TRIM71: variants seen among roughly 807,000 people sequenced by gnomAD.
TRIM71 encodes the protein tripartite motif containing 71.
A neutral mutation model predicts 61.2 loss-of-function variants in TRIM71; 9 were observed. The observed-to-expected ratio is 0.15, with a 90% confidence interval of 0.09 to 0.26. The LOEUF is 0.26. Among genes scored for constraint, TRIM71 ranks in the 10% least tolerant of loss-of-function variants. The probability of loss-of-function intolerance (pLI) is 1.00; values close to 1 mark genes in which losing one functional copy is unlikely to be tolerated. For missense variants in TRIM71, 998 were observed against 1,238.7 expected (o/e 0.81, Z 2.92); for synonymous variants, 645 against 553.2 (o/e 1.17, Z -2.33).
In TRIM71 at chr3:32,833,184, T is replaced by TAAAAAAAAAAAAAAAAAAAAAAA. The variant is rs1182178339; in HGVS notation, c.852+14258_852+14280dup. Reference sequence around the variant, plus strand: ...GGTGACAAGAATGAAACTCTGTCTTTAAAAAAAAAAAAAAAAAAAAAAAAA... The same window carrying TAAAAAAAAAAAAAAAAAAAAAAA: ...GGTGACAAGAATGAAACTCTGTCTTTAAAAAAAAAAAAAAAAAAAAAAAAAAAAAAAAAAAAAAAAAAAAAAAA... On this transcript the variant is annotated intron_variant, in intron 1 of 3. Coordinates refer to ENST00000383763, the MANE Select transcript of TRIM71 (RefSeq NM_001039111.3). 1.8e-4 allele frequency among the ~76,000 whole-genome samples: 10 copies of TAAAAAAAAAAAAAAAAAAAAAAA among 54,426 alleles called. 1 individual carries two copies. The highest frequency in any genetic ancestry group is 2.1e-3 in the South Asian group (2 of 938). 35.7% of individuals were successfully genotyped at this position (54,426 alleles called of 152,430 possible). A position where few individuals can be genotyped will look rare whatever the true frequency, so the allele number is the denominator to read the frequency against.
chr3:32,819,871 C>T (rs1696108085), intron 1 of TRIM71, among the ~76,000 whole-genome samples: 1 of 152,246 alleles, frequency 6.6e-6, no homozygotes, highest in Non-Finnish European at 1.5e-5. Flanking sequence ...TGCTGGAACG[C>T]CGGAGTGCAA....
chr3:32,825,398 C>T (rs991361021), intron 1 of TRIM71, among the ~76,000 whole-genome samples: 6 of 152,104 alleles, frequency 3.9e-5, no homozygotes, highest in African/African-American at 1.4e-4. Context: ...TTCTGTAGCT[C>T]TAAAATTTAA....
rs1182942544 is a variant in TRIM71, at chr3:32,891,424, G to A, written c.2220G>A (p.Glu740=). 3 of 1,613,904 alleles carry A rather than the reference G, an allele frequency of 1.9e-6. No homozygotes were observed. The highest frequency in any genetic ancestry group is 2.5e-6 in the Non-Finnish European group (3 of 1,180,004). The change falls in exon 4 of 4, where the codon GAG becomes GAA. Residue 740 remains glutamate (E), a synonymous_variant. Coordinates refer to ENST00000383763, the MANE Select transcript of TRIM71 (RefSeq NM_001039111.3). The surrounding 1 kb of genome is among the most constrained non-coding windows in gnomAD (Gnocchi z 8.2). ...DGVFLNKYGF[E]GALWKHFDSP... ...TCTTCCTAAACAAGTATGGCTTCGA[G>A]GGGGCTCTCTGGAAGCACTTTGACT...
chr3:32,888,964 CT>C (rs945081950), intron 3 of TRIM71, among the ~76,000 whole-genome samples: 1 of 152,234 alleles, frequency 6.6e-6, no homozygotes, highest in African/African-American at 2.4e-5. Context: ...GGCCTTTTGC[CT>C]AGTCTCAACC....
chr3:32,860,053 G>A (rs1696648582), intron 1 of TRIM71, among the ~76,000 whole-genome samples: 1 of 151,576 alleles, frequency 6.6e-6, no homozygotes, highest in African/African-American at 2.4e-5. Flanking sequence ...CCTTTGTTGT[G>A]CTTTCTCTTT....
intron 1 of TRIM71, among the ~76,000 whole-genome samples, chr3:32,822,600 TC>T (rs1696147505): frequency 6.6e-6 from 1 of 152,210 alleles, no homozygotes; most frequent in South Asian, 2.1e-4. Context: ...TATTCTCTGT[TC>T]CCAAAGTCTA....
intron 1 of TRIM71, among the ~76,000 whole-genome samples, chr3:32,825,951 A>G (rs1696195513): frequency 6.6e-6 from 1 of 152,170 alleles, no homozygotes; most frequent in African/African-American, 2.4e-5. Flanking sequence ...TTGATTGACA[A>G]GACTCTGACT....
intron 2 of TRIM71, among the ~76,000 whole-genome samples, chr3:32,874,766 C>G (rs1289109612): frequency 6.6e-6 from 1 of 151,952 alleles, no homozygotes; most frequent in Admixed American, 6.6e-5. Context: ...TCAGGTGATA[C>G]ACCTGCCTCA....
chr3:32,821,474 T>C (rs1696128096), intron 1 of TRIM71, among the ~76,000 whole-genome samples: 1 of 152,032 alleles, frequency 6.6e-6, no homozygotes, highest in Non-Finnish European at 1.5e-5. Flanking sequence ...CATCCCCTTG[T>C]AAAATGCCTT....
chr3:32,853,695 G>A (rs534799798), intron 1 of TRIM71, among the ~76,000 whole-genome samples: 17 of 152,150 alleles, frequency 1.1e-4, no homozygotes, highest in Non-Finnish European at 1.9e-4. Context: ...TGTCAAGTCT[G>A]GAGTTTGGTT....
intron 1 of TRIM71, among the ~76,000 whole-genome samples, chr3:32,821,884 C>T (rs1483159587): frequency 1.3e-5 from 2 of 152,024 alleles, no homozygotes; most frequent in Non-Finnish European, 2.9e-5. Context: ...CCGGCGGCTG[C>T]TCTTCTCCCC....
At position 32,829,779 on chromosome 3, in the gene TRIM71, G is replaced by T. The variant is rs1575341697; in HGVS notation, c.852+10847G>T. ...GAATGCTGAGGCCTGGTTATGAAATGACTTCATCAGAAACTGTCCTGACTC... is the reference window on the plus strand; with the variant it reads ...GAATGCTGAGGCCTGGTTATGAAATTACTTCATCAGAAACTGTCCTGACTC... On this transcript the variant is annotated intron_variant, in intron 1 of 3. Transcript: ENST00000383763. Among the ~76,000 whole-genome samples the T allele has an allele frequency of 2.6e-5, 4 of 151,974 alleles. No homozygotes were observed. The South Asian group carries it at 6.2e-4, about 24-fold the overall frequency.
At chr3:32,857,711 C>G (rs1696620967) in intron 1 of TRIM71, among the ~76,000 whole-genome samples, 1 of 152,202 alleles carries the variant, frequency 6.6e-6, no homozygotes, top group Admixed American at 6.5e-5. Context: ...TGGCTCATGC[C>G]TGTAATCCCA....
chr3:32,859,296 T>C (rs546491252), intron 1 of TRIM71, among the ~76,000 whole-genome samples: 72 of 152,320 alleles, frequency 4.7e-4, no homozygotes, highest in Non-Finnish European at 9.0e-4. Flanking sequence ...TGTCTCGCTT[T>C]ATTGCCTGGG....
chr3:32,879,800 TTG>T (rs962811165), intron 2 of TRIM71, among the ~76,000 whole-genome samples: 1 of 151,780 alleles, frequency 6.6e-6, no homozygotes, highest in Non-Finnish European at 1.5e-5. Flanking sequence ...TAGTGAGATC[TTG>T]TCTCTACAAA....
chr3:32,893,555 C>A lies in TRIM71; in HGVS notation c.*1744C>A, dbSNP rs185895448. ...GGGAAAAGAGGGACTCTCAAACAAA[C>A]GTCAGTGACTTACAAGGGAGACCTC... is the stretch of plus-strand genomic sequence containing the variant. On this transcript the variant is annotated 3_prime_UTR_variant, in exon 4 of 4. Transcript: ENST00000383763. The A allele has an allele frequency of 6.6e-6, 1 of 152,310 alleles. No homozygotes were observed. Among genetic ancestry groups the A allele is most frequent in the Admixed American group, 6.5e-5 (1 of 15,306 alleles). 9.4% of individuals were successfully genotyped at this position (152,310 alleles called of 1,614,324 possible).
chr3:32,847,912 A>G (rs1024819890), intron 1 of TRIM71, among the ~76,000 whole-genome samples: 3 of 152,234 alleles, frequency 2.0e-5, no homozygotes, highest in African/African-American at 7.2e-5. Context: ...TTTCAAATGC[A>G]GTATAGTTAT....
At chr3:32,819,593 C>T (rs921490986) in intron 1 of TRIM71, among the ~76,000 whole-genome samples, 6 of 152,226 alleles carry the variant, frequency 3.9e-5, no homozygotes, top group Non-Finnish European at 7.3e-5. Flanking sequence ...CCTTCTCTCT[C>T]TGCGGCTGCT....
chr3:32,837,679 C>T (rs1208926053), intron 1 of TRIM71, among the ~76,000 whole-genome samples: 1 of 152,040 alleles, frequency 6.6e-6, no homozygotes, highest in East Asian at 1.9e-4. Context: ...ATTAGCCAGA[C>T]GTGGTGGCAC....
Sources: allele counts gnomAD v4.1 joint callset (sites outside exome capture counted in the v4.1 genomes callset), GRCh38; gene constraint gnomAD v4.1.1; non-coding constraint Gnocchi (gnomAD v3.1); transcripts MANE v1.5; gene names NCBI Gene and HGNC (gene_info 2026-07-23, HGNC 2026-07-21).